SLC35F5: variants seen among roughly 807,000 people sequenced by gnomAD.
SLC35F5 encodes solute carrier family 35 member F5, also known as HCV NS5A-transactivated protein 3.
SLC35F5 carries 54 observed loss-of-function variants against 68.6 expected under a neutral mutation model. That is an observed-to-expected ratio of 0.79 (90% confidence interval 0.63 to 0.99). The LOEUF is 0.99. SLC35F5 is among the 50% of genes least tolerant of loss of function. The pLI is 0.00. For missense variants in SLC35F5, 567 were observed against 626.9 expected (o/e 0.90, Z 1.02); for synonymous variants, 211 against 205.2 (o/e 1.03, Z -0.24).
In SLC35F5 at chr2:113,714,294, C is replaced by A. The variant is rs570209672; in HGVS notation, c.*924G>T. The stretch of plus-strand genomic sequence containing the variant: ...AAGAGACATCTAGTTCTAGAGTAAT[C>A]TGGCACATTCATATGTGAAAAAAAT... On this transcript the variant is annotated 3_prime_UTR_variant, in exon 16 of 16. Transcript: ENST00000245680. The A allele has an allele frequency of 1.4e-4, 21 of 152,084 alleles. No individual in the cohort carries two copies. Among genetic ancestry groups the A allele is most frequent in the Non-Finnish European group, 2.4e-4 (16 of 67,948 alleles). 9.4% of individuals were successfully genotyped at this position (152,084 alleles called of 1,614,324 possible).
chr2:113,738,100 G>C (rs187878650), intron 7 of SLC35F5, among the ~76,000 whole-genome samples: 1 of 151,470 alleles, frequency 6.6e-6, no homozygotes, highest in East Asian at 1.9e-4. Flanking sequence ...CCATTTTTCT[G>C]TGTGTATATG....
Position 113,756,624 on chromosome 2 carries a change from C to G in SLC35F5, c.-215G>C, listed in dbSNP as rs1559375255. The G allele has an allele frequency of 1.5e-6, 2 of 1,299,158 alleles. No homozygotes were observed. Among genetic ancestry groups the G allele is most frequent in the Non-Finnish European group, 2.0e-6 (2 of 991,698 alleles). 80.5% of individuals were successfully genotyped at this position (1,299,158 alleles called of 1,614,324 possible). On this transcript the variant is annotated 5_prime_UTR_variant, in exon 1 of 16. Coordinates refer to ENST00000245680, the MANE Select transcript of SLC35F5 (RefSeq NM_025181.5). ...AAGGGACGGCACAGTCAGCTATGGCCGCGGAGGCCCGGAGATCTGCTCTGG... is the reference window on the plus strand; with the variant it reads ...AAGGGACGGCACAGTCAGCTATGGCGGCGGAGGCCCGGAGATCTGCTCTGG...
chr2:113,746,114 C>T (rs1434458247), intron 5 of SLC35F5, among the ~76,000 whole-genome samples, 163 bp downstream of exon 5: 1 of 152,104 alleles, frequency 6.6e-6, no homozygotes, highest in African/African-American at 2.4e-5. Flanking sequence ...CCAGGTAACC[C>T]TAAGGAGAAA....
chr2:113,749,463 C>T (rs1676649193), intron 4 of SLC35F5, among the ~76,000 whole-genome samples: 1 of 152,188 alleles, frequency 6.6e-6, no homozygotes, highest in South Asian at 2.1e-4. Context: ...TAAACCACTG[C>T]ACTCCAGCCT....
At chr2:113,734,436 C>T (rs977920193) in intron 9 of SLC35F5, 150 bp downstream of exon 9, 1 of 555,504 alleles carries the variant, frequency 1.8e-6, no homozygotes, top group Non-Finnish European at 3.2e-6. Context: ...CAGGATGTGA[C>T]AGGGCTAAGT....
chr2:113,752,037 C>A (rs1034139638), intron 3 of SLC35F5, among the ~76,000 whole-genome samples: 1 of 151,984 alleles, frequency 6.6e-6, no homozygotes, highest in Non-Finnish European at 1.5e-5. Flanking sequence ...CACAGTGAAA[C>A]CCAGTCTGTA....
In SLC35F5 at chr2:113,753,167, TC is replaced by T. The variant is rs1439903873; in HGVS notation, c.273+1997del. Among the ~76,000 whole-genome samples, 272 of 84,724 alleles carry T rather than the reference TC, an allele frequency of 3.2e-3. 28 individuals carry two copies. Among genetic ancestry groups the T allele is most frequent in the African/African-American group, 5.0e-3 (123 of 24,824 alleles). 55.6% of individuals were successfully genotyped at this position (84,724 alleles called of 152,430 possible). On this transcript the variant is annotated intron_variant, in intron 3 of 15. Coordinates refer to ENST00000245680, the MANE Select transcript of SLC35F5 (RefSeq NM_025181.5). ...ACACTTTATCTCCAAAGTTTGTTTT[TC>T]TTTTTTTTTTTTTTTTTTTTTTTTT...
At chr2:113,742,443 T>C in intron 7 of SLC35F5, 1 of 515,720 alleles carries the variant, frequency 1.9e-6, no homozygotes, top group Non-Finnish European at 3.4e-6. Context: ...CCTGTGTGTG[T>C]TTGTAAGTTT....
At chr2:113,738,405 T>C (rs1255545178) in intron 7 of SLC35F5, among the ~76,000 whole-genome samples, 2 of 152,172 alleles carry the variant, frequency 1.3e-5, no homozygotes, top group South Asian at 2.1e-4. Context: ...GGTTTGTCCA[T>C]GTTGTTGCAA....
At chr2:113,721,971 C>CTTT (rs71297192) in intron 13 of SLC35F5, among the ~76,000 whole-genome samples, 1,353 of 107,602 alleles carry the variant, frequency 0.013, 33 homozygotes, top group Non-Finnish European at 0.015. Flanking sequence ...TTGCTTTTAT[C>CTTT]TTTTTTTTTT....
At position 113,735,804 on chromosome 2, in the gene SLC35F5, T is replaced by C. The variant is rs141432650; in HGVS notation, c.805A>G (p.Ile269Val). Residue 269 changes from isoleucine (I) to valine (V), a missense_variant, in exon 8 of 16, where the codon ATA becomes GTA. Ile to Val is a conservative substitution (Grantham distance 29). Coordinates refer to ENST00000245680, the MANE Select transcript of SLC35F5 (RefSeq NM_025181.5). ...GAAGTTGAAGATAAAATATTAACTATAGCAACTTGTGTGTCTGAAAGTGCT... is the reference window on the plus strand; with the variant it reads ...GAAGTTGAAGATAAAATATTAACTACAGCAACTTGTGTGTCTGAAAGTGCT... ...QEALSDTQVA[I>V]VNILSSTSGL... 30 of 1,607,414 alleles carry C rather than the reference T, an allele frequency of 1.9e-5. No individual in the cohort carries two copies. In the East Asian group the frequency reaches 6.0e-4, roughly 32 times the overall value.
intron 13 of SLC35F5, chr2:113,721,336 T>C (rs1288743286): frequency 6.6e-6 from 1 of 152,630 alleles, no homozygotes; most frequent in Admixed American, 6.6e-5. Flanking sequence ...CCAAATCTTT[T>C]CTTGATTGTC....
chr2:113,716,906 G>A (rs181964563), intron 15 of SLC35F5, among the ~76,000 whole-genome samples: 1 of 152,284 alleles, frequency 6.6e-6, no homozygotes, highest in Non-Finnish European at 1.5e-5. Flanking sequence ...GGAGGATAAT[G>A]AAACTTAACC....
chr2:113,720,672 T>C (rs1375615518), intron 13 of SLC35F5, among the ~76,000 whole-genome samples: 3 of 152,156 alleles, frequency 2.0e-5, no homozygotes, highest in Non-Finnish European at 4.4e-5. Flanking sequence ...GGAAAAACCA[T>C]GCTGCATTTA....
intron 11 of SLC35F5, among the ~76,000 whole-genome samples, chr2:113,727,464 T>C (rs1189780503): frequency 6.6e-6 from 1 of 152,040 alleles, no homozygotes; most frequent in Non-Finnish European, 1.5e-5. Context: ...ATTACCAAGA[T>C]CTAAATCTAT....
At chr2:113,704,571 G>T (rs1476116194), downstream of SLC35F5, among the ~76,000 whole-genome samples, 2 of 152,174 alleles carry the variant, frequency 1.3e-5, no homozygotes, top group East Asian at 1.9e-4. Context: ...GCTAAGGCCC[G>T]GCGAGAAATC....
intron 7 of SLC35F5, among the ~76,000 whole-genome samples, chr2:113,737,249 TAGAGCACTACC>T (rs1688128757): frequency 6.6e-6 from 1 of 152,214 alleles, no homozygotes; most frequent in Admixed American, 6.5e-5. Flanking sequence ...CACATGATTG[TAGAGCACTACC>T]AGAACACAGC....
chr2:113,717,704 T>A, intron 15 of SLC35F5, 49 bp downstream of exon 15: 4 of 1,234,566 alleles, frequency 3.2e-6, no homozygotes. Context: ...CTTTGAATAT[T>A]ACACAGATAA....
At position 113,746,257 on chromosome 2, in the gene SLC35F5, A is replaced by T. The variant is rs749030558; in HGVS notation, c.480+20T>A. ...GCTCAACCCCACCTCTCTATTCCTGACAAGAAAAGAAGCACTTACCAAAGA... is the reference window on the plus strand; with the variant it reads ...GCTCAACCCCACCTCTCTATTCCTGTCAAGAAAAGAAGCACTTACCAAAGA... On this transcript the variant is annotated intron_variant, in intron 5 of 15. Coordinates refer to ENST00000245680, the MANE Select transcript of SLC35F5 (RefSeq NM_025181.5). 3 of 1,603,776 alleles carry T rather than the reference A, an allele frequency of 1.9e-6. No homozygotes were observed. The African/African-American group carries it at 4.0e-5, about 21-fold the overall frequency.
Sources: gnomAD v4.1 joint callset for allele counts (sites outside exome capture counted in the v4.1 genomes callset) on GRCh38, gnomAD v4.1.1 for gene constraint, MANE v1.5 for transcripts, NCBI Gene and HGNC (gene_info 2026-07-23, HGNC 2026-07-21) for gene names.